Variants in PALM2AKAP2 observed in about 807,000 individuals in gnomAD.
The protein encoded by PALM2AKAP2 is PALM2-AKAP2 fusion protein.
A neutral mutation model predicts 71.5 loss-of-function variants in PALM2AKAP2; 37 were observed. The observed-to-expected ratio is 0.52, with a 90% CI of 0.40 to 0.68. PALM2AKAP2 has a LOEUF of 0.68. Among genes scored for constraint, PALM2AKAP2 ranks in the 30% least tolerant of loss-of-function variants. The pLI, the probability that PALM2AKAP2 is intolerant of heterozygous loss-of-function variation, is 0.00. For missense variants in PALM2AKAP2, 1,224 were observed against 1,191.8 expected (o/e 1.03, Z -0.40); for synonymous variants, 468 against 478.8 (o/e 0.98, Z 0.29).
intron 1 of PALM2AKAP2, among the ~76,000 whole-genome samples, chr9:109,735,902 A>G (rs1198971084): frequency 6.6e-6 from 1 of 152,230 alleles, no homozygotes; most frequent in East Asian, 1.9e-4. Context: ...GCTTGGGAAG[A>G]CAGGCCATCT....
intron 1 of PALM2AKAP2, among the ~76,000 whole-genome samples, chr9:109,663,678 A>T (rs866427717): frequency 5.3e-5 from 8 of 152,158 alleles, no homozygotes; most frequent in African/African-American, 1.9e-4. Context: ...TTTGGGGTGG[A>T]GAGTTCTGTA....
Position 110,012,300 on chromosome 9 carries a change from A to G in PALM2AKAP2, c.497-3654A>G, listed in dbSNP as rs1045266961. 5.4e-5 allele frequency among the ~76,000 whole-genome samples: 8 copies of G among 149,196 alleles called. No homozygotes were observed. The East Asian group carries it at 1.2e-3, about 22-fold the overall frequency. On this transcript the variant is annotated intron_variant, in intron 6 of 9. Coordinates refer to the PALM2AKAP2 transcript ENST00000302798. ...AGAGCGAGACTCTGTCTCAAAAAAA[A>G]GAAAAAGAAAAAGAAAAAGAAAAGT...
chr9:109,933,325 G>A (rs1831150608), intron 6 of PALM2AKAP2, among the ~76,000 whole-genome samples: 1 of 152,190 alleles, frequency 6.6e-6, no homozygotes, highest in Non-Finnish European at 1.5e-5. Context: ...TAGGTAAAAT[G>A]TGTTTAAGAG....
intron 7 of PALM2AKAP2, among the ~76,000 whole-genome samples, chr9:110,035,021 G>A (rs1271298563): frequency 2.0e-5 from 3 of 151,286 alleles, no homozygotes; most frequent in East Asian, 1.9e-4. Context: ...AATTGAATTC[G>A]CCCATGGTAA....
intron 1 of PALM2AKAP2, among the ~76,000 whole-genome samples, chr9:110,110,001 C>T (rs1168391877): frequency 6.6e-6 from 1 of 152,002 alleles, no homozygotes; most frequent in African/African-American, 2.4e-5. Context: ...TGCAGCAGGA[C>T]TAAATTCAAG....
chr9:110,001,495 A>G (rs549745775), intron 6 of PALM2AKAP2, among the ~76,000 whole-genome samples: 5 of 152,152 alleles, frequency 3.3e-5, no homozygotes, highest in Middle Eastern at 3.2e-3. Flanking sequence ...TTGGCAATGC[A>G]GGCTCTTTTT....
At chr9:109,774,315 G>T (rs1318246417) in intron 1 of PALM2AKAP2, among the ~76,000 whole-genome samples, 2 of 152,182 alleles carry the variant, frequency 1.3e-5, no homozygotes, top group African/African-American at 4.8e-5. Context: ...TTTCTAGTTT[G>T]TAGCTAATTC....
intron 3 of PALM2AKAP2, among the ~76,000 whole-genome samples, chr9:110,158,167 C>A (rs1587873855): frequency 6.6e-6 from 1 of 152,348 alleles, no homozygotes; most frequent in African/African-American, 2.4e-5. Flanking sequence ...TACTCAGTCA[C>A]TTTCACCAGC....
intron 7 of PALM2AKAP2, among the ~76,000 whole-genome samples, chr9:110,029,794 G>C (rs1413912727): frequency 6.6e-6 from 1 of 152,148 alleles, no homozygotes. Context: ...TCCCATTTAG[G>C]CAGGGAACCA....
At chr9:109,678,348 C>G (rs1827677898) in intron 1 of PALM2AKAP2, among the ~76,000 whole-genome samples, 1 of 152,136 alleles carries the variant, frequency 6.6e-6, no homozygotes, top group East Asian at 1.9e-4. Context: ...TTATTACTTA[C>G]ACTGAATTGT....
chr9:110,162,464 G>C (rs1413835753), intron 3 of PALM2AKAP2, among the ~76,000 whole-genome samples: 1 of 152,130 alleles, frequency 6.6e-6, no homozygotes, highest in Non-Finnish European at 1.5e-5. Context: ...GTTTCTTTAG[G>C]CATTAATAGC....
At chr9:109,814,807 T>C (rs755554078) in intron 1 of PALM2AKAP2, among the ~76,000 whole-genome samples, 1 of 152,192 alleles carries the variant, frequency 6.6e-6, no homozygotes, top group Non-Finnish European at 1.5e-5. Context: ...TCCCTGTAAC[T>C]GGATTGGAAG....
chr9:109,751,547 C>T (rs1001447365), intron 1 of PALM2AKAP2, among the ~76,000 whole-genome samples: 3 of 152,168 alleles, frequency 2.0e-5, no homozygotes, highest in African/African-American at 7.2e-5. Flanking sequence ...CATATGTACA[C>T]ATAATAGTAA....
chr9:110,155,428 A>G (rs1836424271), intron 2 of PALM2AKAP2, among the ~76,000 whole-genome samples: 1 of 152,160 alleles, frequency 6.6e-6, no homozygotes, highest in Non-Finnish European at 1.5e-5. Context: ...AACCCACCCC[A>G]TGAAGGGCCA....
intron 2 of PALM2AKAP2, among the ~76,000 whole-genome samples, chr9:109,874,754 C>T (rs996355213): frequency 2.0e-5 from 3 of 152,166 alleles, no homozygotes; most frequent in Non-Finnish European, 2.9e-5. Context: ...TCTTCCCTGT[C>T]TCCAGTTGAT....
At chr9:109,841,867 TGGAGGGG>T (rs1828698351) in intron 1 of PALM2AKAP2, among the ~76,000 whole-genome samples, 1 of 39,584 alleles carries the variant, frequency 2.5e-5, no homozygotes, top group African/African-American at 1.1e-4. Context: ...GGTGGGGGGA[TGGAGGGG>T]AGGGTAGAGA....
chr9:109,994,403 T>C (rs1736913866), intron 6 of PALM2AKAP2, among the ~76,000 whole-genome samples: 1 of 152,230 alleles, frequency 6.6e-6, no homozygotes, highest in African/African-American at 2.4e-5. Context: ...TTTTTAAACT[T>C]GAGAAACCTC....
chr9:110,056,492 T>C (rs998481842), intron 1 of PALM2AKAP2, among the ~76,000 whole-genome samples: 2 of 152,238 alleles, frequency 1.3e-5, no homozygotes, highest in African/African-American at 4.8e-5. Flanking sequence ...AAAGGCACTC[T>C]GTGTGCGTGA....
intron 1 of PALM2AKAP2, among the ~76,000 whole-genome samples, chr9:109,744,634 A>G (rs75300754): frequency 0.043 from 6,494 of 152,250 alleles, 187 homozygotes; most frequent in Non-Finnish European, 0.053. Context: ...AGCAAAGAAC[A>G]ATTGCAAGTC....
Sources: gnomAD v4.1 joint callset for allele counts (sites outside exome capture counted in the v4.1 genomes callset) on GRCh38, gnomAD v4.1.1 for gene constraint, MANE v1.5 for transcripts, NCBI Gene and HGNC (gene_info 2026-07-23, HGNC 2026-07-21) for gene names.